CFAP100: variants seen among roughly 807,000 people sequenced by gnomAD.
CFAP100 encodes the protein cilia and flagella associated protein 100.
Under a neutral mutation model 81.5 loss-of-function variants are expected in CFAP100, and 70 were observed. The observed-to-expected ratio is 0.86, with a 90% confidence interval of 0.71 to 1.05. CFAP100 has a LOEUF of 1.05. CFAP100 is among the 50% of genes least tolerant of loss of function. The probability of loss-of-function intolerance (pLI) is 0.00; values close to 1 mark genes in which losing one functional copy is unlikely to be tolerated. For missense variants in CFAP100, 811 were observed against 776.5 expected, an observed-to-expected ratio of 1.04 and a Z score of -0.53; for synonymous variants, 341 against 314.8, an observed-to-expected ratio of 1.08 and a Z score of -0.88.
rs996104254 is a variant in CFAP100, at chr3:126,421,405, C to T, written c.1082+1176C>T. ...AATTTTATAATTGGTGAATTTGGGGCCCTGCTTAAGAAATATTTGCCAACA... is the reference window on the plus strand; with the variant it reads ...AATTTTATAATTGGTGAATTTGGGGTCCTGCTTAAGAAATATTTGCCAACA... On this transcript the variant is annotated intron_variant, in intron 11 of 16. Transcript: ENST00000352312. Among the ~76,000 whole-genome samples the T allele has an allele frequency of 2.6e-5, 4 of 152,326 alleles. No homozygotes were observed. In the East Asian group the frequency reaches 7.7e-4, roughly 29 times the overall value.
intron 1 of CFAP100, chr3:126,395,179 T>C (rs1483349229): frequency 6.6e-6 from 1 of 152,264 alleles, no homozygotes; most frequent in Non-Finnish European, 1.5e-5. Context: ...TGTCCTACCA[T>C]CCCTGTGCAC....
chr3:126,415,491 C>A (rs928250880), intron 4 of CFAP100, among the ~76,000 whole-genome samples: 5 of 152,132 alleles, frequency 3.3e-5, no homozygotes, highest in Non-Finnish European at 7.4e-5. Flanking sequence ...CTTCTAAAGG[C>A]CACCTTGTAC....
intron 7 of CFAP100, 25 bp from the exon 8 acceptor site, chr3:126,419,045 CATCCCT>C: frequency 1.5e-5 from 13 of 858,104 alleles, no homozygotes; most frequent in Non-Finnish European, 2.2e-5. Context: ...CCCTTGCCCC[CATCCCT>C]CCTCCCCCGC....
rs1317069639 is a variant in CFAP100 at position 126,396,042 on chromosome 3, C to G, written c.42C>G (p.Thr14=). The change falls in exon 2 of 17, where the codon ACC becomes ACG. Residue 14 remains threonine (T), a synonymous_variant. Transcript: ENST00000352312. ...CCACTATAGTCTCCAAGAACATGAC[C>G]AATGACAGTAAGTACCGGGCCAGGG... ...IPSTIVSKNM[T]NDKNSLESMN... The G allele has an allele frequency of 1.9e-6, 3 of 1,613,710 alleles. No individual in the cohort carries two copies. The highest frequency in any genetic ancestry group is 1.7e-6 in the Non-Finnish European group (2 of 1,179,720).
chr3:126,400,803 A>T (rs1474541921), intron 2 of CFAP100, among the ~76,000 whole-genome samples: 1 of 152,250 alleles, frequency 6.6e-6, no homozygotes, highest in Admixed American at 6.5e-5. Flanking sequence ...AAAGTTAAAC[A>T]GTATTAACAT....
At chr3:126,422,851 C>T (rs1404091871) in intron 11 of CFAP100, among the ~76,000 whole-genome samples, 1 of 152,186 alleles carries the variant, frequency 6.6e-6, no homozygotes, top group Admixed American at 6.5e-5. Flanking sequence ...GCAGCCCCAG[C>T]AGCGGAGCCG....
At chr3:126,398,901 A>G (rs1004772875) in intron 2 of CFAP100, among the ~76,000 whole-genome samples, 3 of 152,206 alleles carry the variant, frequency 2.0e-5, no homozygotes, top group African/African-American at 7.2e-5. Flanking sequence ...AGCATTTAGT[A>G]GAGTGCAGCA....
At chr3:126,423,400 G>A in intron 12 of CFAP100, 24 bp downstream of exon 12, 1 of 1,611,600 alleles carries the variant, frequency 6.2e-7, no homozygotes, top group South Asian at 1.1e-5. Flanking sequence ...TGCTGGGCTG[G>A]AATTCGGAAG....
chr3:126,431,868 C>G (rs1933243951), intron 13 of CFAP100, among the ~76,000 whole-genome samples: 1 of 152,126 alleles, frequency 6.6e-6, no homozygotes. Flanking sequence ...ATTCAATAGG[C>G]ATGGGTCAAG....
intron 11 of CFAP100, among the ~76,000 whole-genome samples, chr3:126,421,958 T>C (rs1246971602): frequency 3.3e-5 from 5 of 152,260 alleles, no homozygotes; most frequent in African/African-American, 7.2e-5. Flanking sequence ...TAGGGCTCCC[T>C]CAGCCATGGA....
At chr3:126,396,379 G>A (rs993953049) in intron 2 of CFAP100, 4 of 284,964 alleles carry the variant, frequency 1.4e-5, no homozygotes, top group Admixed American at 9.6e-5. Flanking sequence ...GAGCTTTGCA[G>A]GCAATCCTTG....
chr3:126,423,296 A>G (rs1407720250), intron 11 of CFAP100, 29 bp from the exon 12 acceptor site: 3 of 1,600,132 alleles, frequency 1.9e-6, no homozygotes, highest in Non-Finnish European at 2.6e-6. Context: ...GGCTGGTCCC[A>G]GAGTCCCGAC....
intron 2 of CFAP100, among the ~76,000 whole-genome samples, chr3:126,404,586 T>C (rs1576618847): frequency 6.6e-6 from 1 of 152,174 alleles, no homozygotes; most frequent in Non-Finnish European, 1.5e-5. Flanking sequence ...TATGGGACAA[T>C]AAAGAGGCAG....
At chr3:126,433,892 G>A (rs1194903057) in intron 14 of CFAP100, 1 of 440,012 alleles carries the variant, frequency 2.3e-6, no homozygotes, top group African/African-American at 2.0e-5. Flanking sequence ...CAGGGTGCAG[G>A]GTTCCCTGGA....
At position 126,423,525 on chromosome 3, in the gene CFAP100, G is replaced by A. The variant is rs544860516; in HGVS notation, c.1167G>A (p.Gln389=). 6.2e-7 allele frequency: 1 copy of A among 1,614,188 alleles called. No homozygotes were observed. The highest frequency in any genetic ancestry group is 2.2e-5 in the East Asian group (1 of 44,870). The change falls in exon 13 of 17, where the codon CAG becomes CAA. Residue 389 remains glutamine, a synonymous_variant. Transcript: ENST00000352312. ...EPQLYFTEPQ[Q]LLDVFRELEE... ...AGCTGTACTTCACGGAGCCCCAGCAGCTCCTGGATGTCTTCCGAGAGCTGG... is the reference window on the plus strand; with the variant it reads ...AGCTGTACTTCACGGAGCCCCAGCAACTCCTGGATGTCTTCCGAGAGCTGG...
At chr3:126,420,540 G>A (rs750433652) in intron 11 of CFAP100, 1 of 404,230 alleles carries the variant, frequency 2.5e-6, no homozygotes, top group Non-Finnish European at 4.5e-6. Context: ...GTCTGGTCCT[G>A]GCCCTGGGGG....
intron 15 of CFAP100, among the ~76,000 whole-genome samples, chr3:126,434,930 G>C (rs954131171): frequency 2.6e-5 from 4 of 152,122 alleles, no homozygotes; most frequent in African/African-American, 9.7e-5. Flanking sequence ...GGGCAGATGG[G>C]CAGCAGCTTG....
intron 13 of CFAP100, among the ~76,000 whole-genome samples, chr3:126,431,295 TCCATGACAGTTACA>T (rs1387704424): frequency 1.3e-5 from 2 of 152,158 alleles, no homozygotes; most frequent in Non-Finnish European, 1.5e-5. Flanking sequence ...AGGTGATCCA[TCCATGACAGTTACA>T]CCAGGGCTAA....
intron 13 of CFAP100, among the ~76,000 whole-genome samples, chr3:126,432,494 T>C (rs1186882724): frequency 6.6e-6 from 1 of 152,076 alleles, no homozygotes; most frequent in Admixed American, 6.5e-5. Flanking sequence ...ACGTATGCAA[T>C]GGAAGATTAC....
Sources: gnomAD v4.1 joint callset for allele counts (sites outside exome capture counted in the v4.1 genomes callset) on GRCh38, gnomAD v4.1.1 for gene constraint, MANE v1.5 for transcripts, NCBI Gene and HGNC (gene_info 2026-07-23, HGNC 2026-07-21) for gene names.